ITGA10: variants seen among roughly 807,000 people sequenced by gnomAD.
ITGA10 encodes integrin alpha-10.
ITGA10 carries 105 observed loss-of-function variants against 145.2 expected under a neutral mutation model. The observed-to-expected ratio is 0.72, with a 90% CI of 0.62 to 0.85. ITGA10 has a LOEUF of 0.85. Among genes scored for constraint, ITGA10 ranks in the 40% least tolerant of loss-of-function variants. The pLI, the probability that ITGA10 is intolerant of heterozygous loss-of-function variation, is 0.00. For synonymous variants in ITGA10, 506 were observed against 557.8 expected, an observed-to-expected ratio of 0.91 and a Z score of 1.31; for missense variants, 1,317 against 1,444.5, an observed-to-expected ratio of 0.91 and a Z score of 1.43.
At chr1:145,895,210 A>C in intron 27 of ITGA10, 70 bp downstream of exon 27, 4 of 1,130,840 alleles carry the variant, frequency 3.5e-6, no homozygotes, top group African/African-American at 1.5e-5. Context: ...GGGTCTGTCT[A>C]CCTCCAAAAC....
intron 14 of ITGA10, among the ~76,000 whole-genome samples, 199 bp from the exon 15 acceptor site, chr1:145,900,386 G>A (rs1656114366): frequency 6.6e-6 from 1 of 152,126 alleles, no homozygotes; most frequent in African/African-American, 2.4e-5. Context: ...TCCTGCCCTA[G>A]CCTCCTGAGT....
At chr1:145,903,002 G>GACAC (rs34766827) in intron 7 of ITGA10, 41 bp from the exon 8 acceptor site, 73 of 1,097,426 alleles carry the variant, frequency 6.7e-5, no homozygotes, top group African/African-American at 2.4e-4. Flanking sequence ...GATGTATGCA[G>GACAC]ACACACACAC....
chr1:145,907,984 A>G (rs1553751979), intron 1 of ITGA10, among the ~76,000 whole-genome samples: 1 of 151,564 alleles, frequency 6.6e-6, no homozygotes, highest in Non-Finnish European at 1.5e-5. Context: ...GTTAGCCAGG[A>G]TGGTCTCGAT....
chr1:145,902,889 T>C lies in ITGA10; in HGVS notation c.831A>G (p.Gly277=), dbSNP rs781828039. The C allele has an allele frequency of 1.2e-6, 2 of 1,613,910 alleles. No homozygotes were observed. Among genetic ancestry groups the C allele is most frequent in the Non-Finnish European group, 1.7e-6 (2 of 1,179,932 alleles). The stretch of plus-strand genomic sequence containing the variant: ...GAAGCTCCTCTCCATCATGGGACTC[T>C]CCATCAGTGACAACCACCAGTAGCC... ...AARLLVVVTD[G]ESHDGEELPA... The change falls in exon 8 of 30, where the codon GGA becomes GGG. Residue 277 remains glycine, a synonymous_variant. Transcript: ENST00000369304.
At chr1:145,902,984 T>A in intron 7 of ITGA10, 23 bp from the exon 8 acceptor site, 1 of 1,550,708 alleles carries the variant, frequency 6.4e-7, no homozygotes. Flanking sequence ...AGGAGTGAGG[T>A]GAGATCAGAT....
chr1:145,896,718 G>T, intron 23 of ITGA10, 51 bp downstream of exon 23: 2 of 1,411,850 alleles, frequency 1.4e-6, no homozygotes, highest in Non-Finnish European at 2.0e-6. Context: ...AGCAGCATAA[G>T]GGTATGAGTC....
chr1:145,897,072 C>G lies in ITGA10; in HGVS notation c.2683G>C (p.Glu895Gln). The change falls in exon 22 of 30, where the codon GAG becomes CAG. Residue 895 changes from glutamate to glutamine, a missense_variant. By Grantham distance (29) the Glu-to-Gln change is conservative. Transcript: ENST00000369304. ...AGAGAGGAGCAGCTAAACTCAAACT[C>G]TAGCAGAAAGGTCACCTAGGGGCAG... ...QTGAKVTFLL[E>Q]FEFSCSSLLS... The G allele has an allele frequency of 6.2e-7, 1 of 1,614,040 alleles. No individual in the cohort carries two copies. The highest frequency in any genetic ancestry group is 1.3e-5 in the African/African-American group (1 of 75,022).
Position 145,899,083 on chromosome 1 carries a change from A to G in ITGA10, c.2090-5T>C. ...GTGATGCGGTGAACCTCATGTCTGA[A>G]TGAAGGAGGCAAGAGTGAGGGTGGA... On this transcript the variant is annotated splice_region_variant and splice_polypyrimidine_tract_variant and intron_variant, in intron 16 of 29. Coordinates refer to ENST00000369304, the MANE Select transcript of ITGA10 (RefSeq NM_003637.5). The G allele has an allele frequency of 6.2e-7, 1 of 1,614,248 alleles. No homozygotes were observed. Among genetic ancestry groups the G allele is most frequent in the Admixed American group, 1.7e-5 (1 of 60,028 alleles).
Position 145,892,702 on chromosome 1 carries a change from C to A in ITGA10, c.*96G>T. On this transcript the variant is annotated 3_prime_UTR_variant, in exon 30 of 30. Transcript: ENST00000369304. ...CTGGTCTGGGGAGATAGTCCAGAGG[C>A]GGCTTCTTGTCCCATCTGAGCCCCC... The A allele has an allele frequency of 6.8e-6, 6 of 883,962 alleles. No individual in the cohort carries two copies. Among genetic ancestry groups the A allele is most frequent in the Non-Finnish European group, 1.1e-5 (6 of 534,788 alleles). 54.8% of individuals were successfully genotyped at this position (883,962 alleles called of 1,614,324 possible). A position where few individuals can be genotyped will look rare whatever the true frequency, so the allele number is the denominator to read the frequency against.
Position 145,907,680 on chromosome 1 carries a change from T to G in ITGA10, c.53-215A>C, listed in dbSNP as rs1247010281. The G allele has an allele frequency of 6.3e-6, 5 of 793,256 alleles. No individual in the cohort carries two copies. In the African/African-American group the frequency reaches 9.4e-5, roughly 15 times the overall value. 49.1% of individuals were successfully genotyped at this position (793,256 alleles called of 1,614,324 possible). A position where few individuals can be genotyped will look rare whatever the true frequency, so the allele number is the denominator to read the frequency against. ...TCCAGATGCCTAAACTGTGGCCCTC[T>G]GCCATGCTGATGTACAGCTGTATTT... On this transcript the variant is annotated intron_variant, in intron 1 of 29. Coordinates refer to ENST00000369304, the MANE Select transcript of ITGA10 (RefSeq NM_003637.5).
Position 145,892,054 on chromosome 1 carries a change from T to G in ITGA10, c.*744A>C, listed in dbSNP as rs369730287. 1 of 152,658 alleles carries G rather than the reference T, an allele frequency of 6.6e-6. No homozygotes were observed. Among genetic ancestry groups the G allele is most frequent in the African/African-American group, 2.4e-5 (1 of 41,446 alleles). The allele number at this position is 152,658 out of a possible 1,614,324, so 9.5% of individuals were successfully genotyped here. A position where few individuals can be genotyped will look rare whatever the true frequency, so the allele number is the denominator to read the frequency against. On this transcript the variant is annotated 3_prime_UTR_variant, in exon 30 of 30. Transcript: ENST00000369304. The stretch of plus-strand genomic sequence containing the variant: ...CTTCAGAAAATCAGGCACCAGGCCC[T>G]GGCTTTGCTCCCAGAAAAGGCTTGG...
At position 145,898,135 on chromosome 1, in the gene ITGA10, C is replaced by T. The variant is rs111881843; in HGVS notation, c.2321G>A (p.Gly774Asp). Residue 774 changes from glycine (G) to aspartate (D), a missense_variant, in exon 18 of 30, where the codon GGC becomes GAC. By Grantham distance (94) the Gly-to-Asp change is moderately conservative. Transcript: ENST00000369304. ...CAGCTTTTGTATAGAGGTGGGTGAG[C>T]CCTCATTCAGCACAGGCCCTGGCTT... The part of the protein sequence containing the change: ...TTKPGPVLNE[G>D]SPTSIQKLVP... 12 of 1,613,890 alleles carry T rather than the reference C, an allele frequency of 7.4e-6. No individual in the cohort carries two copies. The highest frequency in any genetic ancestry group is 5.3e-5 in the African/African-American group (4 of 75,008).
rs587608320 is a variant in ITGA10, at chr1:145,904,270, T to C, written c.610-70A>G. On this transcript the variant is annotated intron_variant, in intron 6 of 29. Coordinates refer to ENST00000369304, the MANE Select transcript of ITGA10 (RefSeq NM_003637.5). ...GGGGGAGAGGAGGAAGAAGAAAGTA[T>C]ATAAGAGAGGAGAGATGAACACCTG... The C allele has an allele frequency of 3.0e-5, 44 of 1,474,736 alleles. 1 individual carries two copies. The Admixed American group carries it at 6.3e-4, about 21-fold the overall frequency. The allele number at this position is 1,474,736 out of a possible 1,614,324, so 91.4% of individuals were successfully genotyped here.
Position 145,896,362 on chromosome 1 carries a change from C to T in ITGA10, c.2835-10G>A, listed in dbSNP as rs1389849624. The T allele has an allele frequency of 6.2e-6, 10 of 1,607,028 alleles. No homozygotes were observed. The highest frequency in any genetic ancestry group is 2.7e-5 in the African/African-American group (2 of 74,748). ...GTGCAGGGTAGACTCACTGTGTGAA[C>T]ACCAAGTCAGGAAGTACATGGTCAC... On this transcript the variant is annotated splice_polypyrimidine_tract_variant and intron_variant, in intron 23 of 29. Coordinates refer to ENST00000369304, the MANE Select transcript of ITGA10 (RefSeq NM_003637.5).
At chr1:145,905,443 C>A (rs999405684) in intron 5 of ITGA10, among the ~76,000 whole-genome samples, 2 of 152,044 alleles carry the variant, frequency 1.3e-5, no homozygotes, top group Non-Finnish European at 2.9e-5. Flanking sequence ...CGACACCCGG[C>A]TAATTTTTTG....
Position 145,901,745 on chromosome 1 carries a change from A to C in ITGA10, c.1295-81T>G. The C allele has an allele frequency of 6.5e-7, 1 of 1,535,650 alleles. No individual in the cohort carries two copies. Among genetic ancestry groups the C allele is most frequent in the Non-Finnish European group, 8.8e-7 (1 of 1,137,734 alleles). On this transcript the variant is annotated intron_variant, in intron 11 of 29. Transcript: ENST00000369304. This position sits in a 1 kb window ranked among gnomAD's most constrained non-coding sequence, Gnocchi z 4.3. The stretch of plus-strand genomic sequence containing the variant: ...GGGGGTTCCCTAAAGGCATAGCAGG[A>C]GGTCCCAAGGGAAGTAACCAGAGGT...
In ITGA10 at chr1:145,896,278, G is replaced by A. The variant is rs1553745028; in HGVS notation, c.2909C>T (p.Thr970Ile). 6.2e-7 allele frequency: 1 copy of A among 1,613,262 alleles called. No homozygotes were observed. Among genetic ancestry groups the A allele is most frequent in the African/African-American group, 1.3e-5 (1 of 74,908 alleles). Residue 970 changes from threonine to isoleucine, a missense_variant, in exon 24 of 30, where the codon ACC becomes ATC. Physicochemically the swap from Thr to Ile is moderately conservative, Grantham distance 89. Transcript: ENST00000369304. ...CCTCCAGCTTCTCACCCTGAGAGTG[G>A]TTTTGAATTCTGGGCCAGGACCCAC... ...LPVGPGPEFK[T>I]TLRVQNLGCY... is the part of the protein sequence containing the mutation.
Position 145,904,722 on chromosome 1 carries a change from G to C in ITGA10, c.571C>G (p.Leu191Val). The change falls in exon 6 of 30, where the codon CTG becomes GTG. Residue 191 changes from leucine to valine, a missense_variant. Leu to Val is a conservative substitution (Grantham distance 32). Transcript: ENST00000369304. Reference sequence around the variant, plus strand: ...GGGTCAATAAACAGTTTCCCTACCAGTCTTCGTAGGAAGGTCTGAACTTCA... The same window carrying C: ...GGGTCAATAAACAGTTTCCCTACCACTCTTCGTAGGAAGGTCTGAACTTCA... ...WSEVQTFLRR[L>V]VGKLFIDPEQ... 1.2e-6 allele frequency: 2 copies of C among 1,613,852 alleles called. No homozygotes were observed. Among genetic ancestry groups the C allele is most frequent in the Non-Finnish European group, 1.7e-6 (2 of 1,179,828 alleles).
Position 145,897,587 on chromosome 1 carries a change from T to G in ITGA10, c.2499A>C (p.Arg833Ser). 6.2e-7 allele frequency: 1 copy of G among 1,614,162 alleles called. No homozygotes were observed. The highest frequency in any genetic ancestry group is 8.5e-7 in the Non-Finnish European group (1 of 1,180,032). The change falls in exon 20 of 30, where the codon AGA becomes AGC. Residue 833 changes from arginine to serine, a missense_variant. By Grantham distance (110) the Arg-to-Ser change is moderately radical. Coordinates refer to ENST00000369304, the MANE Select transcript of ITGA10 (RefSeq NM_003637.5). ...KVLVSTTLENRKENAYNTSLS... is the reference protein window; with the variant it reads ...KVLVSTTLENSKENAYNTSLS... ...GGCTCGTATTGTAAGCATTTTCCTT[T>G]CTGTTCTCCAGAGTTGTAGATACCA...
Sources: allele counts gnomAD v4.1 joint callset (sites outside exome capture counted in the v4.1 genomes callset), GRCh38; gene constraint gnomAD v4.1.1; non-coding constraint Gnocchi (gnomAD v3.1); transcripts MANE v1.5; gene names NCBI Gene and HGNC (gene_info 2026-07-23, HGNC 2026-07-21).